The following AKAP7 variants were observed in gnomAD, a reference collection of about 807,000 sequenced individuals.
The protein encoded by AKAP7 is A kinase (PRKA) anchor protein 7.
In AKAP7, 39 loss-of-function variants were observed where a neutral mutation model predicts 39.5. The observed-to-expected ratio is 0.99, with a 90% CI of 0.76 to 1.29. The LOEUF is 1.29. AKAP7 is among the 50% of genes most tolerant of loss of function. The pLI is 0.00. For missense variants in AKAP7, 414 were observed against 407.7 expected, an observed-to-expected ratio of 1.02 and a Z score of -0.13; for synonymous variants, 140 against 139.1, an observed-to-expected ratio of 1.01 and a Z score of -0.05.
chr6:131,131,970 T>A (rs1424495082), upstream of AKAP7, among the ~76,000 whole-genome samples: 1 of 152,112 alleles, frequency 6.6e-6, no homozygotes, highest in Non-Finnish European at 1.5e-5. Flanking sequence ...AAAATCCCTA[T>A]AGGATGTTTG....
At chr6:131,278,912 G>A (rs111884186) in intron 7 of AKAP7, among the ~76,000 whole-genome samples, 1,960 of 152,218 alleles carry the variant, frequency 0.013, 38 homozygotes, top group African/African-American at 0.045. Context: ...AGGGAGGGTC[G>A]TCTAGAAATT....
intron 2 of AKAP7, among the ~76,000 whole-genome samples, chr6:131,155,992 T>C (rs142173563): frequency 9.1e-4 from 139 of 152,362 alleles, no homozygotes; most frequent in African/African-American, 3.1e-3. Context: ...ATAAACCTAT[T>C]AAGTTACTTA....
intron 7 of AKAP7, chr6:131,253,069 C>T (rs760797233): frequency 2.3e-5 from 37 of 1,613,518 alleles, no homozygotes; most frequent in South Asian, 7.7e-5. Context: ...TGCAGTCCTA[C>T]AGAGATACAG....
chr6:131,250,242 A>T, intron 7 of AKAP7: 3 of 1,073,410 alleles, frequency 2.8e-6, no homozygotes, highest in Non-Finnish European at 3.4e-6. Flanking sequence ...AAATAGCCAG[A>T]CAGAACACAT....
At chr6:131,164,725 A>G in intron 3 of AKAP7, among the ~76,000 whole-genome samples, 1 of 152,180 alleles carries the variant, frequency 6.6e-6, no homozygotes, top group East Asian at 1.9e-4. Context: ...AGGAAAGATC[A>G]TAGTTATTGA....
At chr6:131,150,573 C>T (rs1320038321) in intron 2 of AKAP7, among the ~76,000 whole-genome samples, 5 of 151,960 alleles carry the variant, frequency 3.3e-5, no homozygotes, top group East Asian at 1.9e-4. Context: ...CAAATATCTG[C>T]CCCAAATAAC....
intron 5 of AKAP7, among the ~76,000 whole-genome samples, chr6:131,179,652 G>C (rs1804939377): frequency 6.6e-6 from 1 of 152,136 alleles, no homozygotes; most frequent in African/African-American, 2.4e-5. Context: ...AAGATTGCTT[G>C]AGCTCAGCGG....
chr6:131,275,560 CAGAGA>C (rs1420611771), intron 7 of AKAP7, among the ~76,000 whole-genome samples: 1 of 152,148 alleles, frequency 6.6e-6, no homozygotes, highest in East Asian at 1.9e-4. Context: ...CACAGACTGA[CAGAGA>C]AAAGTCTCTA....
At chr6:131,126,635 G>T in the AKAP7 span, among the ~76,000 whole-genome samples, 1 of 152,090 alleles carries the variant, frequency 6.6e-6, no homozygotes, top group African/African-American at 2.4e-5. Context: ...CTGCCCTCAT[G>T]GAGAAGCAGG....
At chr6:131,146,236 T>G (rs1254811949) in intron 2 of AKAP7, among the ~76,000 whole-genome samples, 3 of 152,220 alleles carry the variant, frequency 2.0e-5, no homozygotes, top group Non-Finnish European at 4.4e-5. Flanking sequence ...CAATTCAGTC[T>G]TTGAGAGCTT....
intron 7 of AKAP7, among the ~76,000 whole-genome samples, chr6:131,238,801 C>T (rs1562235956): frequency 6.6e-6 from 1 of 152,114 alleles, no homozygotes; most frequent in African/African-American, 2.4e-5. Context: ...CTATATGTGT[C>T]TCTGCATGTG....
chr6:131,132,143 T>A (rs1330657496), upstream of AKAP7, among the ~76,000 whole-genome samples: 1 of 151,926 alleles, frequency 6.6e-6, no homozygotes, highest in African/African-American at 2.4e-5. Context: ...AAACCCCGTC[T>A]CTACTAAAAA....
upstream of AKAP7, among the ~76,000 whole-genome samples, chr6:131,131,024 G>A (rs1341480782): frequency 6.6e-6 from 1 of 152,212 alleles, no homozygotes; most frequent in Non-Finnish European, 1.5e-5. Context: ...AGCTGGAGAA[G>A]CTTGTTCAGG....
intron 7 of AKAP7, among the ~76,000 whole-genome samples, chr6:131,237,178 CG>C (rs1429265621): frequency 1.3e-5 from 2 of 151,984 alleles, no homozygotes; most frequent in Non-Finnish European, 2.9e-5. Context: ...TGGTTTTTGT[CG>C]TTGATTCTGT....
At chr6:131,213,548 C>T (rs1808873700) in intron 6 of AKAP7, among the ~76,000 whole-genome samples, 1 of 152,104 alleles carries the variant, frequency 6.6e-6, no homozygotes, top group Admixed American at 6.6e-5. Context: ...TAGCTTGTTA[C>T]ATTCGAGTGA....
chr6:131,169,145 T>A lies in AKAP7; in HGVS notation c.461T>A (p.Phe154Tyr). ...GIDALLELKP[F>Y]IEELLQGKHL... ...GATGCTCTTTTGGAATTGAAACCAT[T>A]CATAGAAGAACTCCTCCAGGGAAAA... is the stretch of plus-strand genomic sequence containing the variant. Residue 154 changes from phenylalanine (F) to tyrosine (Y), a missense_variant, in exon 5 of 8, where the codon TTC becomes TAC. Phe to Tyr is a conservative substitution (Grantham distance 22). Coordinates refer to ENST00000431975, the MANE Select transcript of AKAP7 (RefSeq NM_016377.4). The A allele has an allele frequency of 1.2e-6, 2 of 1,613,290 alleles. No individual in the cohort carries two copies. Among genetic ancestry groups the A allele is most frequent in the Non-Finnish European group, 1.7e-6 (2 of 1,179,330 alleles).
chr6:131,147,745 C>T (rs527647561), intron 2 of AKAP7, among the ~76,000 whole-genome samples: 56 of 152,348 alleles, frequency 3.7e-4, no homozygotes, highest in Admixed American at 1.1e-3. Flanking sequence ...CACTCACCCG[C>T]GTTCTCCCTG....
intron 7 of AKAP7, among the ~76,000 whole-genome samples, chr6:131,277,340 C>T (rs948777906): frequency 1.3e-5 from 2 of 152,166 alleles, no homozygotes; most frequent in Admixed American, 6.5e-5. Flanking sequence ...GCTAATCTGT[C>T]ATTTTATTAG....
At chr6:131,132,640 C>G (rs1209510851), upstream of AKAP7, among the ~76,000 whole-genome samples, 1 of 152,152 alleles carries the variant, frequency 6.6e-6, no homozygotes, top group Non-Finnish European at 1.5e-5. Context: ...CAATTATTTT[C>G]TAGAATGTCA....
Sources: allele counts gnomAD v4.1 joint callset (sites outside exome capture counted in the v4.1 genomes callset), GRCh38; gene constraint gnomAD v4.1.1; transcripts MANE v1.5; gene names NCBI Gene and HGNC (gene_info 2026-07-23, HGNC 2026-07-21).